The following C2orf78 variants were observed in gnomAD, a reference collection of about 807,000 sequenced individuals.
C2orf78 encodes the protein chromosome 2 open reading frame 78.
Under a neutral mutation model 21.4 loss-of-function variants are expected in C2orf78, and 12 were observed. The observed-to-expected ratio is 0.56, with a 90% CI of 0.36 to 0.91. The LOEUF (loss-of-function observed/expected upper bound fraction) is 0.91. Ranked by LOEUF, C2orf78 falls within the 40% of genes least tolerant of loss-of-function variation. The probability of loss-of-function intolerance (pLI) is 0.01; values close to 1 mark genes in which losing one functional copy is unlikely to be tolerated. For synonymous variants in C2orf78, 396 were observed against 413.9 expected (o/e 0.96, Z 0.52); for missense variants, 1,042 against 1,092.4 (o/e 0.95, Z 0.65).
At position 73,808,905 on chromosome 2, in the gene C2orf78, AAGAG is replaced by A. The variant is rs770954452; in HGVS notation, c.98-4568_98-4565del. ...TCTTCTTCTCTGACCATGTCAGGTA[AAGAG>A]AGAAACTTTTTAAAAAGGTTTTCAT... is the stretch of plus-strand genomic sequence containing the variant. On this transcript the variant is annotated intron_variant, in intron 1 of 2. Transcript: ENST00000409561. The A allele has an allele frequency of 7.1e-6, 7 of 987,752 alleles. No individual in the cohort carries two copies. In the African/African-American group the frequency reaches 1.2e-4, roughly 16 times the overall value. 61.2% of individuals were successfully genotyped at this position (987,752 alleles called of 1,614,324 possible).
chr2:73,813,530 C>T, exon 2 of C2orf78: 1 of 1,613,856 alleles, frequency 6.2e-7, no homozygotes, highest in Non-Finnish European at 8.5e-7. Flanking sequence ...GCAGTTCTCT[C>T]TTCCTGTGGT....
intron 1 of C2orf78, among the ~76,000 whole-genome samples, chr2:73,811,528 T>G (rs1673088932): frequency 6.6e-6 from 1 of 152,206 alleles, no homozygotes; most frequent in Non-Finnish European, 1.5e-5. Flanking sequence ...TTTTTTATCT[T>G]AATACTTTCT....
chr2:73,808,417 T>C (rs1476296806), intron 1 of C2orf78, among the ~76,000 whole-genome samples: 2 of 151,206 alleles, frequency 1.3e-5, no homozygotes, highest in Admixed American at 1.3e-4. Flanking sequence ...TATTATATAA[T>C]ATGAAATGTA....
chr2:73,785,920 C>T (rs555078186), intron 1 of C2orf78, among the ~76,000 whole-genome samples: 5 of 151,828 alleles, frequency 3.3e-5, no homozygotes, highest in African/African-American at 9.7e-5. Flanking sequence ...GTGGCACATG[C>T]GTGTAATCCC....
chr2:73,808,098 C>T (rs1271021849), intron 1 of C2orf78, among the ~76,000 whole-genome samples: 1 of 150,810 alleles, frequency 6.6e-6, no homozygotes, highest in Admixed American at 6.6e-5. Context: ...ACTAAAAATA[C>T]AAAAAATTAG....
exon 3 of C2orf78, chr2:73,815,414 G>A (rs570459595): frequency 3.5e-5 from 56 of 1,613,834 alleles, no homozygotes; most frequent in East Asian, 2.9e-4. Flanking sequence ...ATATTCACCC[G>A]CTTCTGGCCT....
At chr2:73,811,290 C>CAAAAG (rs769264087) in intron 1 of C2orf78, among the ~76,000 whole-genome samples, 1 of 151,840 alleles carries the variant, frequency 6.6e-6, no homozygotes. Context: ...GACCCCATCT[C>CAAAAG]AAAAGAAAAG....
chr2:73,814,148 A>G (rs957971546), exon 2 of C2orf78: 30 of 1,611,146 alleles, frequency 1.9e-5, no homozygotes, highest in African/African-American at 5.3e-5. Flanking sequence ...TCAGCCCACA[A>G]ATGTCCTACC....
At chr2:73,813,560 A>T (rs1281412902) in exon 2 of C2orf78, 1 of 1,614,012 alleles carries the variant, frequency 6.2e-7, no homozygotes, top group African/African-American at 1.3e-5. Context: ...AGCTTTCTTA[A>T]CAGGAAGCAT....
At chr2:73,811,157 G>A (rs1238189238) in intron 1 of C2orf78, among the ~76,000 whole-genome samples, 2 of 151,592 alleles carry the variant, frequency 1.3e-5, no homozygotes, top group African/African-American at 4.9e-5. Context: ...TGGGTGTGGT[G>A]ACAGGCGCCT....
chr2:73,811,106 C>G (rs1253053573), intron 1 of C2orf78, among the ~76,000 whole-genome samples: 4 of 151,256 alleles, frequency 2.6e-5, no homozygotes, highest in Admixed American at 2.0e-4. Context: ...GCCTGGCCAA[C>G]ATGGTGAAAT....
chr2:73,816,109 A>T (rs771286074), exon 3 of C2orf78: 13 of 1,613,894 alleles, frequency 8.1e-6, no homozygotes, highest in Admixed American at 1.7e-5. Context: ...CTAGGCATGC[A>T]CATGCTAGAG....
At chr2:73,816,491 T>C in exon 3 of C2orf78, 2 of 1,613,954 alleles carry the variant, frequency 1.2e-6, no homozygotes, top group Non-Finnish European at 1.7e-6. Context: ...GACCTGATTC[T>C]ACTAACTCAG....
At chr2:73,786,327 C>A (rs1311216334) in intron 1 of C2orf78, among the ~76,000 whole-genome samples, 4 of 150,738 alleles carry the variant, frequency 2.7e-5, no homozygotes, top group Admixed American at 2.0e-4. Flanking sequence ...TGCAGTGAGC[C>A]GAGATCGTGC....
At chr2:73,784,649 C>T (rs1194010145) in intron 1 of C2orf78, among the ~76,000 whole-genome samples, 1 of 151,162 alleles carries the variant, frequency 6.6e-6, no homozygotes, top group African/African-American at 2.5e-5. Context: ...TGGTTATTCC[C>T]CCTGGCCCTT....
exon 3 of C2orf78, chr2:73,815,524 G>A (rs1440190965): frequency 6.2e-7 from 1 of 1,613,874 alleles, no homozygotes; most frequent in Non-Finnish European, 8.5e-7. Context: ...TTTGAAAATG[G>A]GATTGAGTCT....
At position 73,810,753 on chromosome 2, in the gene C2orf78, A is replaced by T. The variant is rs1673069215; in HGVS notation, c.98-2724A>T. Among the ~76,000 whole-genome samples the T allele has an allele frequency of 2.3e-5, 3 of 132,570 alleles. No homozygotes were observed. The South Asian group carries it at 6.5e-4, about 29-fold the overall frequency. The allele number at this position is 132,570 out of a possible 152,430, so 87.0% of individuals were successfully genotyped here. A position where few individuals can be genotyped will look rare whatever the true frequency, so the allele number is the denominator to read the frequency against. On this transcript the variant is annotated intron_variant, in intron 1 of 2. Transcript: ENST00000409561. The stretch of plus-strand genomic sequence containing the variant: ...TACATAAAATATACATGTATATTTT[A>T]TGTATATATAATATATATATAAAAT...
exon 3 of C2orf78, chr2:73,815,757 G>C (rs1356009855): frequency 1.2e-6 from 2 of 1,613,624 alleles, no homozygotes; most frequent in Non-Finnish European, 1.7e-6. Flanking sequence ...GCCTATCCAG[G>C]GTGCTCCCAA....
chr2:73,815,758 G>A, exon 3 of C2orf78: 1 of 1,613,630 alleles, frequency 6.2e-7, no homozygotes, highest in Non-Finnish European at 8.5e-7. Flanking sequence ...CCTATCCAGG[G>A]TGCTCCCAAG....
Sources: gnomAD v4.1 joint callset for allele counts (sites outside exome capture counted in the v4.1 genomes callset) on GRCh38, gnomAD v4.1.1 for gene constraint, MANE v1.5 for transcripts, NCBI Gene and HGNC (gene_info 2026-07-23, HGNC 2026-07-21) for gene names.